The following NRXN1 variants were observed in gnomAD, a reference collection of about 807,000 sequenced individuals.
The protein encoded by NRXN1 is neurexin-1.
A neutral mutation model predicts 150.9 loss-of-function variants in NRXN1; 39 were observed. That is an observed-to-expected ratio of 0.26 (90% CI 0.20 to 0.34). NRXN1 has a LOEUF of 0.34. NRXN1 is among the 10% of genes least tolerant of loss of function. The pLI is 1.00. For synonymous variants in NRXN1, 924 were observed against 757.0 expected (o/e 1.22, Z -3.62); for missense variants, 1,815 against 1,949.9 (o/e 0.93, Z 1.30).
intron 2 of NRXN1, among the ~76,000 whole-genome samples, chr2:50,983,566 G>C (rs914285896): frequency 6.6e-6 from 1 of 152,030 alleles, no homozygotes; most frequent in Non-Finnish European, 1.5e-5. Context: ...TTAACAAATT[G>C]TCAGTAACTA....
At position 50,528,661 on chromosome 2, in the gene NRXN1, G is replaced by A. The variant is rs200007912; in HGVS notation, c.2348-10C>T. 3.9e-6 allele frequency: 6 copies of A among 1,540,124 alleles called. No homozygotes were observed. Among genetic ancestry groups the A allele is most frequent in the South Asian group, 1.2e-5 (1 of 84,474 alleles). Reference sequence around the variant, plus strand: ...TTAATCCTGATACAATCTAGATGGGGAAGAATAGATGAAAAATGAAAATTC... The same window carrying A: ...TTAATCCTGATACAATCTAGATGGGAAAGAATAGATGAAAAATGAAAATTC... On this transcript the variant is annotated splice_polypyrimidine_tract_variant and intron_variant, in intron 11 of 22. Transcript: ENST00000401669.
At chr2:50,098,830 G>GTGTTTTTTTTTTTTGGTTTTTT (rs1700590439) in intron 18 of NRXN1, among the ~76,000 whole-genome samples, 1 of 105,542 alleles carries the variant, frequency 9.5e-6, no homozygotes, top group African/African-American at 3.5e-5. Flanking sequence ...TTTGGTTTTA[G>GTGTTTTTTTTTTTTGGTTTTTT]TTTTTTTTTT....
chr2:50,611,691 A>C (rs953530205), intron 8 of NRXN1, among the ~76,000 whole-genome samples: 1 of 152,238 alleles, frequency 6.6e-6, no homozygotes, highest in Non-Finnish European at 1.5e-5. Flanking sequence ...TTTTCTGTGC[A>C]TTCCTGTTTG....
chr2:50,330,474 C>G (rs955293755), intron 17 of NRXN1, among the ~76,000 whole-genome samples: 1 of 152,088 alleles, frequency 6.6e-6, no homozygotes, highest in East Asian at 1.9e-4. Context: ...TTTGCTTTAA[C>G]CTCCCATCCC....
intron 17 of NRXN1, among the ~76,000 whole-genome samples, chr2:50,248,523 G>C (rs149720843): frequency 9.8e-4 from 149 of 152,220 alleles, no homozygotes; most frequent in Non-Finnish European, 1.7e-3. Context: ...TCATTATTAA[G>C]TCTTTAAAAT....
At chr2:50,609,871 A>G (rs987665785) in intron 8 of NRXN1, among the ~76,000 whole-genome samples, 2 of 152,102 alleles carry the variant, frequency 1.3e-5, no homozygotes, top group Non-Finnish European at 2.9e-5. Context: ...ATTGTCATGT[A>G]CTATATATAA....
chr2:50,627,432 T>G lies in NRXN1; in HGVS notation c.833-3817A>C, dbSNP rs983107333. ...AATTATATATGAAAACAATTTATAT[T>G]GTCTGGCATTGCAGGTAAGTTAGCA... On this transcript the variant is annotated intron_variant, in intron 5 of 22. Transcript: ENST00000401669. Among the ~76,000 whole-genome samples, 3 of 150,436 alleles carry G rather than the reference T, an allele frequency of 2.0e-5. No individual in the cohort carries two copies. In the Admixed American group the frequency reaches 2.0e-4, roughly 10 times the overall value.
chr2:50,910,663 T>A (rs778448714), intron 5 of NRXN1, among the ~76,000 whole-genome samples: 1 of 151,840 alleles, frequency 6.6e-6, no homozygotes, highest in Non-Finnish European at 1.5e-5. Context: ...CAATAATAAA[T>A]GCAATCCAGC....
chr2:50,579,384 G>A (rs1671910656), intron 8 of NRXN1, among the ~76,000 whole-genome samples: 1 of 152,314 alleles, frequency 6.6e-6, no homozygotes, highest in South Asian at 2.1e-4. Flanking sequence ...TGTGATGCAG[G>A]GCATGGTGGC....
At chr2:50,838,230 G>T (rs1294089880) in intron 5 of NRXN1, among the ~76,000 whole-genome samples, 1 of 152,078 alleles carries the variant, frequency 6.6e-6, no homozygotes. Flanking sequence ...TATAAACAGT[G>T]TAAAAAATAT....
Position 50,538,606 on chromosome 2 carries a change from G to A in NRXN1, c.1790C>T (p.Pro597Leu). The A allele has an allele frequency of 1.3e-6, 2 of 1,516,756 alleles. No individual in the cohort carries two copies. Among genetic ancestry groups the A allele is most frequent in the Non-Finnish European group, 1.8e-6 (2 of 1,131,904 alleles). The allele number at this position is 1,516,756 out of a possible 1,614,324, so 94.0% of individuals were successfully genotyped here. A position where few individuals can be genotyped will look rare whatever the true frequency, so the allele number is the denominator to read the frequency against. Residue 597 changes from proline (P) to leucine (L), a missense_variant, in exon 10 of 23, where the codon CCC becomes CTC. Pro to Leu is a moderately conservative substitution (Grantham distance 98). Around this residue, in one of 6 missense-constraint regions of NRXN1, gnomAD observed 638 missense variants for 652.6 expected, o/e 0.98. Coordinates refer to ENST00000401669, the MANE Select transcript of NRXN1 (RefSeq NM_001330078.2). ...GTISVNTLRT[P>L]YTAPGESEIL... Reference sequence around the variant, plus strand: ...CTCACTCTCACCAGGAGCAGTGTAGGGAGTACGCAACGTGTTGACAGAAAT... The same window carrying A: ...CTCACTCTCACCAGGAGCAGTGTAGAGAGTACGCAACGTGTTGACAGAAAT...
chr2:50,449,438 C>A (rs2086758968), intron 17 of NRXN1, among the ~76,000 whole-genome samples: 1 of 152,260 alleles, frequency 6.6e-6, no homozygotes, highest in East Asian at 1.9e-4. Context: ...TTCCTCTGCC[C>A]TTTTTACATG....
At chr2:49,939,317 T>C (rs1327092712) in intron 22 of NRXN1, among the ~76,000 whole-genome samples, 1 of 152,206 alleles carries the variant, frequency 6.6e-6, no homozygotes, top group Non-Finnish European at 1.5e-5. Flanking sequence ...TGTCTACGCT[T>C]CTTAAACTGG....
At chr2:50,077,102 T>C (rs1409599440) in intron 19 of NRXN1, among the ~76,000 whole-genome samples, 1 of 152,198 alleles carries the variant, frequency 6.6e-6, no homozygotes, top group African/African-American at 2.4e-5. Flanking sequence ...AGCTGTCTTA[T>C]AAAGATTCTG....
intron 18 of NRXN1, among the ~76,000 whole-genome samples, chr2:50,169,711 C>CAA (rs11296551): frequency 1.9e-5 from 2 of 103,792 alleles, no homozygotes; most frequent in African/African-American, 4.3e-5. Context: ...GCTTCCATCT[C>CAA]AAAAAAAAAA....
At chr2:50,094,214 C>A (rs1414197909) in intron 18 of NRXN1, among the ~76,000 whole-genome samples, 1 of 152,132 alleles carries the variant, frequency 6.6e-6, no homozygotes. Context: ...ATTACTGTTT[C>A]CATCTTACAA....
At chr2:50,333,954 C>G (rs1367121365) in intron 17 of NRXN1, among the ~76,000 whole-genome samples, 1 of 151,944 alleles carries the variant, frequency 6.6e-6, no homozygotes, top group Non-Finnish European at 1.5e-5. Flanking sequence ...CTTCACCATT[C>G]TCTTTGCAGA....
chr2:50,049,777 G>A (rs574591494), intron 21 of NRXN1, among the ~76,000 whole-genome samples: 65 of 152,104 alleles, frequency 4.3e-4, no homozygotes, highest in Non-Finnish European at 7.2e-4. Context: ...ATTAGAAGAG[G>A]GGGAACATTT....
intron 15 of NRXN1, among the ~76,000 whole-genome samples, chr2:50,488,610 T>C (rs1251728119): frequency 6.6e-6 from 1 of 152,170 alleles, no homozygotes; most frequent in East Asian, 1.9e-4. Context: ...TCTCTGTTCT[T>C]GTCCGTGGGT....
Sources: gnomAD v4.1 joint callset for allele counts (sites outside exome capture counted in the v4.1 genomes callset) on GRCh38, gnomAD v4.1.1 for gene constraint, gnomAD v4.1.1 regional missense constraint, MANE v1.5 for transcripts, NCBI Gene and HGNC (gene_info 2026-07-23, HGNC 2026-07-21) for gene names.